EIF4G3: variants seen among roughly 807,000 people sequenced by gnomAD.
The protein encoded by EIF4G3 is eukaryotic translation initiation factor 4 gamma 3.
In EIF4G3, 34 loss-of-function variants were observed where a neutral mutation model predicts 186.4. The observed-to-expected ratio is 0.18, with a 90% CI of 0.14 to 0.24. The LOEUF (loss-of-function observed/expected upper bound fraction) is 0.24. Among genes scored for constraint, EIF4G3 ranks in the 10% least tolerant of loss-of-function variants. The pLI is 1.00. For missense variants in EIF4G3, 1,536 were observed against 1,948.5 expected, an observed-to-expected ratio of 0.79 and a Z score of 3.99; for synonymous variants, 673 against 679.5, an observed-to-expected ratio of 0.99 and a Z score of 0.15.
chr1:21,043,869 G>A (rs7547896), intron 4 of EIF4G3, among the ~76,000 whole-genome samples: 130,327 of 140,306 alleles, frequency 0.93, 61,018 homozygotes, highest in Middle Eastern at 0.99. Context: ...AAACCTTGGC[G>A]CAAAAAAAAA....
chr1:21,053,454 C>T (rs1355979824), intron 3 of EIF4G3, among the ~76,000 whole-genome samples: 7 of 141,642 alleles, frequency 4.9e-5, no homozygotes, highest in South Asian at 2.3e-4. Flanking sequence ...CCGCCCCGTC[C>T]GGGAGGTGAG....
chr1:21,109,712 G>C (rs1469715496), intron 2 of EIF4G3, among the ~76,000 whole-genome samples: 2 of 152,136 alleles, frequency 1.3e-5, no homozygotes, highest in Non-Finnish European at 2.9e-5. Context: ...AGTTCCTCTA[G>C]GAATTATTGC....
intron 4 of EIF4G3, among the ~76,000 whole-genome samples, chr1:21,043,593 A>G (rs978932612): frequency 2.0e-5 from 3 of 152,182 alleles, no homozygotes; most frequent in African/African-American, 7.2e-5. Context: ...AGGACTGCAT[A>G]AAAGATTAAA....
intron 2 of EIF4G3, among the ~76,000 whole-genome samples, chr1:21,110,342 C>G (rs1322576757): frequency 6.6e-6 from 1 of 151,646 alleles, no homozygotes; most frequent in Non-Finnish European, 1.5e-5. Flanking sequence ...GTTGCCTAGG[C>G]TGGAGTGCAG....
At position 20,807,210 on chromosome 1, in the gene EIF4G3, G is replaced by C. The variant is rs371811192; in HGVS notation, c.*109C>G. ...CCCCTCTCCCACTCGTGCACACGTGGGGGTTTCTGCGAGAATTGGCCTTGC... is the reference window on the plus strand; with the variant it reads ...CCCCTCTCCCACTCGTGCACACGTGCGGGTTTCTGCGAGAATTGGCCTTGC... On this transcript the variant is annotated 3_prime_UTR_variant, in exon 37 of 37. Coordinates refer to ENST00000602326, the MANE Select transcript of EIF4G3 (RefSeq NM_001391906.1). 3.4e-5 allele frequency: 33 copies of C among 981,512 alleles called. No individual in the cohort carries two copies. Among genetic ancestry groups the C allele is most frequent in the East Asian group, 2.0e-4 (8 of 39,674 alleles). 60.8% of individuals were successfully genotyped at this position (981,512 alleles called of 1,614,324 possible). A position where few individuals can be genotyped will look rare whatever the true frequency, so the allele number is the denominator to read the frequency against.
intron 29 of EIF4G3, among the ~76,000 whole-genome samples, chr1:20,841,535 AG>A (rs1422700968): frequency 6.6e-6 from 1 of 152,242 alleles, no homozygotes; most frequent in Non-Finnish European, 1.5e-5. Flanking sequence ...GTGTCTGTGT[AG>A]GTTAATATTT....
rs2063290382 is a variant in EIF4G3, at chr1:20,825,201, A to G, written c.4270-3T>C. ...AAGGCTCCCACTTTCTTATGGCTCTAAAATAGAGATAAATCCAATCCATTT... is the reference window on the plus strand; with the variant it reads ...AAGGCTCCCACTTTCTTATGGCTCTGAAATAGAGATAAATCCAATCCATTT... On this transcript the variant is annotated splice_polypyrimidine_tract_variant and splice_region_variant and intron_variant, in intron 32 of 36. Coordinates refer to ENST00000602326, the MANE Select transcript of EIF4G3 (RefSeq NM_001391906.1). 6.4e-7 allele frequency: 1 copy of G among 1,574,730 alleles called. No individual in the cohort carries two copies. The highest frequency in any genetic ancestry group is 8.7e-7 in the Non-Finnish European group (1 of 1,150,622).
At chr1:21,021,544 ATTCTTTCTTTCT>A (rs561504226) in intron 4 of EIF4G3, among the ~76,000 whole-genome samples, 30 of 151,768 alleles carry the variant, frequency 2.0e-4, no homozygotes, top group Non-Finnish European at 3.2e-4. Flanking sequence ...CATACTTAAG[ATTCTTTCTTTCT>A]TTTTTTTTCT....
intron 2 of EIF4G3, among the ~76,000 whole-genome samples, chr1:21,115,062 T>C (rs1445937999): frequency 6.6e-6 from 1 of 152,232 alleles, no homozygotes; most frequent in Non-Finnish European, 1.5e-5. Flanking sequence ...CGAAAATGTA[T>C]ACAAAATAAG....
chr1:21,129,372 G>C (rs2097110345), intron 2 of EIF4G3, among the ~76,000 whole-genome samples: 1 of 152,022 alleles, frequency 6.6e-6, no homozygotes, highest in Non-Finnish European at 1.5e-5. Flanking sequence ...GTGTGGACTG[G>C]CATATCAGTT....
At chr1:20,976,566 T>C (rs939435085) in intron 10 of EIF4G3, among the ~76,000 whole-genome samples, 2 of 152,230 alleles carry the variant, frequency 1.3e-5, no homozygotes, top group African/African-American at 4.8e-5. Flanking sequence ...GTGAAACCAA[T>C]GGTGCAGTCA....
intron 7 of EIF4G3, 37 bp downstream of exon 7, chr1:20,997,564 A>G (rs777107363): frequency 2.6e-6 from 4 of 1,543,452 alleles, no homozygotes; most frequent in Non-Finnish European, 3.5e-6. Flanking sequence ...CCCATCTATT[A>G]GTTAAGGGTG....
intron 13 of EIF4G3, among the ~76,000 whole-genome samples, chr1:20,943,086 C>A (rs943331745): frequency 1.4e-4 from 22 of 152,174 alleles, no homozygotes; most frequent in African/African-American, 5.1e-4. Context: ...TCACTTGAGC[C>A]CAGGAGTTTG....
At position 20,982,373 on chromosome 1, in the gene EIF4G3, C is replaced by G; in HGVS notation, c.198+15G>C. ...TGAGTTATAAAGAGGCCATGCAGAA[C>G]CAGTAGTTTGTTACCTGGATAGGTC... is the stretch of plus-strand genomic sequence containing the variant. On this transcript the variant is annotated intron_variant, in intron 8 of 36. Coordinates refer to ENST00000602326, the MANE Select transcript of EIF4G3 (RefSeq NM_001391906.1). 1 of 1,520,302 alleles carries G rather than the reference C, an allele frequency of 6.6e-7. No individual in the cohort carries two copies. Among genetic ancestry groups the G allele is most frequent in the Non-Finnish European group, 8.8e-7 (1 of 1,139,824 alleles). 94.2% of individuals were successfully genotyped at this position (1,520,302 alleles called of 1,614,324 possible). A position where few individuals can be genotyped will look rare whatever the true frequency, so the allele number is the denominator to read the frequency against.
intron 14 of EIF4G3, among the ~76,000 whole-genome samples, chr1:20,908,577 A>C (rs529727723): frequency 2.6e-5 from 4 of 152,190 alleles, no homozygotes; most frequent in Non-Finnish European, 5.9e-5. Flanking sequence ...AGCGCACCTT[A>C]CAGTAACATT....
At chr1:20,825,252 A>AAC in intron 32 of EIF4G3, 54 bp from the exon 33 acceptor site, 1 of 363,070 alleles carries the variant, frequency 2.8e-6, no homozygotes, top group Non-Finnish European at 4.2e-6. Flanking sequence ...GAAGAAACAG[A>AAC]AAAAAAAAAA....
At chr1:21,159,958 TAGCC>T (rs1187986503) in intron 2 of EIF4G3, among the ~76,000 whole-genome samples, 3 of 151,974 alleles carry the variant, frequency 2.0e-5, no homozygotes, top group Admixed American at 2.0e-4. Flanking sequence ...TACAAAAAGT[TAGCC>T]AGGCATGATG....
At chr1:20,841,221 T>G (rs1237402560) in intron 29 of EIF4G3, 193 bp from the exon 30 acceptor site, 20 of 450,458 alleles carry the variant, frequency 4.4e-5, no homozygotes, top group Non-Finnish European at 6.8e-5. Context: ...ATGGGCAATA[T>G]TAAAAGTCAT....
rs1043360012 is a variant in EIF4G3, at chr1:20,889,775, C to A, written c.2254-3404G>T. 3.9e-5 allele frequency among the ~76,000 whole-genome samples: 6 copies of A among 152,250 alleles called. No individual in the cohort carries two copies. The East Asian group carries it at 7.7e-4, about 20-fold the overall frequency. ...AAAGTGCTGGAATTACAGGCGTGAA[C>A]CACCACGCCCGGCCCATAATTTTAT... On this transcript the variant is annotated intron_variant, in intron 18 of 36. Transcript: ENST00000602326.
Sources: gnomAD v4.1 joint callset for allele counts (sites outside exome capture counted in the v4.1 genomes callset) on GRCh38, gnomAD v4.1.1 for gene constraint, MANE v1.5 for transcripts, NCBI Gene and HGNC (gene_info 2026-07-23, HGNC 2026-07-21) for gene names.